Variants in ABCB9 observed in about 807,000 individuals in gnomAD.
ABCB9 encodes ABC-type oligopeptide transporter ABCB9.
ABCB9 carries 36 observed loss-of-function variants against 62.0 expected under a neutral mutation model. The observed-to-expected ratio is 0.58, with a 90% CI of 0.45 to 0.77. ABCB9 has a LOEUF of 0.77. ABCB9 is among the 30% of genes least tolerant of loss of function. The pLI, the probability that ABCB9 is intolerant of heterozygous loss-of-function variation, is 0.00. For synonymous variants in ABCB9, 435 were observed against 461.4 expected (o/e 0.94, Z 0.73); for missense variants, 943 against 1,054.7 (o/e 0.89, Z 1.47).
At chr12:122,972,283 G>C (rs1478980734) in intron 1 of ABCB9, among the ~76,000 whole-genome samples, 2 of 152,172 alleles carry the variant, frequency 1.3e-5, no homozygotes, top group African/African-American at 4.8e-5. Context: ...AAAGTGCTAG[G>C]ATTACAGGCG....
At chr12:122,972,383 G>A (rs922621186) in intron 1 of ABCB9, among the ~76,000 whole-genome samples, 1 of 152,178 alleles carries the variant, frequency 6.6e-6, no homozygotes, top group South Asian at 2.1e-4. Flanking sequence ...AATGACTTGT[G>A]GAATGTTCAC....
upstream of ABCB9, among the ~76,000 whole-genome samples, chr12:122,970,645 A>G (rs2037259322): frequency 6.6e-6 from 1 of 152,228 alleles, no homozygotes; most frequent in South Asian, 2.1e-4. Context: ...ACTATGCATT[A>G]TATGTATTGA....
rs957095491 is a variant in ABCB9, at chr12:122,923,909, A to C, written c.2041-2866T>G. Among the ~76,000 whole-genome samples, 5 of 152,310 alleles carry C rather than the reference A, an allele frequency of 3.3e-5. No individual in the cohort carries two copies. In the South Asian group the frequency reaches 6.2e-4, roughly 19 times the overall value. On this transcript the variant is annotated intron_variant, in intron 11 of 11. Transcript: ENST00000344275. ...AACCTGCCGACACAGAGTGAGGTTG[A>C]CACAGACCAGTCCAGTCGACAGGGG...
intron 2 of ABCB9, chr12:122,952,531 T>C (rs1414373049): frequency 1.3e-5 from 2 of 152,240 alleles, no homozygotes; most frequent in African/African-American, 2.4e-5. Context: ...AGAGGGCCTG[T>C]GTCCCCACAG....
At chr12:122,941,147 A>C in intron 7 of ABCB9, 152 bp from the exon 8 acceptor site, 1 of 763,722 alleles carries the variant, frequency 1.3e-6, no homozygotes, top group Non-Finnish European at 2.0e-6. Flanking sequence ...GCATTAGATA[A>C]CGACAGTAAG....
intron 1 of ABCB9, among the ~76,000 whole-genome samples, chr12:122,972,295 A>G (rs911277730): frequency 2.6e-5 from 4 of 151,846 alleles, no homozygotes; most frequent in African/African-American, 9.7e-5. Flanking sequence ...TTACAGGCGT[A>G]AGCCATGGCG....
chr12:122,933,802 C>T (rs1291621887), intron 10 of ABCB9, among the ~76,000 whole-genome samples: 4 of 151,938 alleles, frequency 2.6e-5, no homozygotes, highest in African/African-American at 4.8e-5. Context: ...TGGTGTACAA[C>T]GTGATGCTCT....
At chr12:122,942,477 G>A (rs1011711490) in intron 7 of ABCB9, among the ~76,000 whole-genome samples, 89 of 151,882 alleles carry the variant, frequency 5.9e-4, no homozygotes, top group Non-Finnish European at 1.2e-3. Context: ...AAATTAGCTG[G>A]GCATGGTGGT....
In ABCB9 at chr12:122,940,212, A is replaced by G; in HGVS notation, c.1642T>C (p.Cys548Arg). The G allele has an allele frequency of 6.2e-7, 1 of 1,613,154 alleles. No homozygotes were observed. The highest frequency in any genetic ancestry group is 8.5e-7 in the Non-Finnish European group (1 of 1,179,476). The change falls in exon 9 of 12, where the codon TGT becomes CGT. Residue 548 changes from cysteine (C) to arginine (R), a missense_variant. Transcript: ENST00000280560. This position sits in a 1 kb window ranked among gnomAD's most constrained non-coding sequence, Gnocchi z 4.8. The part of the protein sequence containing the change: ...VGPSGSGKSS[C>R]VNILENFYPL... ...TAGAAGTTCTCCAGGATGTTGACAC[A>G]GGAGCTCTTCCCACTGCCCGAGGGC...
rs372474579 is a variant in ABCB9, at chr12:122,929,416, T to G, written c.*495A>C. On this transcript the variant is annotated 3_prime_UTR_variant, in exon 12 of 12. Coordinates refer to ENST00000280560, the MANE Select transcript of ABCB9 (RefSeq NM_019625.4). The surrounding 1 kb of genome is among the most constrained non-coding windows in gnomAD (Gnocchi z 6.0). ...GAGAGACGGAAAATCCCGTTCCCCG[T>G]GTCTCCCTCCGGGACAGGGAAGCCC... The G allele has an allele frequency of 1.8e-4, 182 of 986,590 alleles. No homozygotes were observed. In the African/African-American group the frequency reaches 3.1e-3, roughly 17 times the overall value. The allele number at this position is 986,590 out of a possible 1,614,324, so 61.1% of individuals were successfully genotyped here.
At chr12:122,967,442 G>C (rs913757305), upstream of ABCB9, among the ~76,000 whole-genome samples, 1 of 152,138 alleles carries the variant, frequency 6.6e-6, no homozygotes, top group Non-Finnish European at 1.5e-5. Context: ...GTGGACTTAC[G>C]GCCCAGAGGG....
chr12:122,967,005 T>C (rs2037200677), upstream of ABCB9, among the ~76,000 whole-genome samples: 2 of 152,236 alleles, frequency 1.3e-5, no homozygotes, highest in African/African-American at 4.8e-5. Context: ...GAGCTGACAT[T>C]CTAGTGAGGG....
At chr12:122,934,239 C>T (rs2035341788) in intron 10 of ABCB9, among the ~76,000 whole-genome samples, 1 of 152,180 alleles carries the variant, frequency 6.6e-6, no homozygotes, top group African/African-American at 2.4e-5. Context: ...CAGAGTGAGA[C>T]TGTCTCAATT....
At position 122,940,419 on chromosome 12, in the gene ABCB9, C is replaced by T; in HGVS notation, c.1570-135G>A. 1 of 1,026,864 alleles carries T rather than the reference C, an allele frequency of 9.7e-7. No individual in the cohort carries two copies. Among genetic ancestry groups the T allele is most frequent in the South Asian group, 1.7e-5 (1 of 57,268 alleles). 63.6% of individuals were successfully genotyped at this position (1,026,864 alleles called of 1,614,324 possible). A position where few individuals can be genotyped will look rare whatever the true frequency, so the allele number is the denominator to read the frequency against. On this transcript the variant is annotated intron_variant, in intron 8 of 11. Transcript: ENST00000280560. The surrounding 1 kb of genome is among the most constrained non-coding windows in gnomAD (Gnocchi z 4.8). The stretch of plus-strand genomic sequence containing the variant: ...CTCCCTCGCTTGGGCACTGCTGGCC[C>T]CTAAACGTTCTTTCTAAGACACTAG...
chr12:122,948,499 T>C, intron 5 of ABCB9, 125 bp downstream of exon 5: 1 of 846,358 alleles, frequency 1.2e-6, no homozygotes, highest in Non-Finnish European at 1.7e-6. Context: ...AATGAATGAA[T>C]GAATGCAAAC....
chr12:122,936,267 T>C (rs1001792222), intron 9 of ABCB9, among the ~76,000 whole-genome samples: 14 of 152,158 alleles, frequency 9.2e-5, no homozygotes, highest in Non-Finnish European at 1.2e-4. Flanking sequence ...CCTTCATATA[T>C]TGATATATTT....
chr12:122,939,141 C>T (rs1190368999), intron 9 of ABCB9, among the ~76,000 whole-genome samples: 2 of 152,184 alleles, frequency 1.3e-5, no homozygotes. Flanking sequence ...CACTGCACTC[C>T]AGCTTGGGCA....
At chr12:122,958,577 G>A (rs1343964886) in intron 2 of ABCB9, among the ~76,000 whole-genome samples, 2 of 152,186 alleles carry the variant, frequency 1.3e-5, no homozygotes, top group South Asian at 2.1e-4. Context: ...TGTGGCTTGC[G>A]CCTGTAATCC....
Position 122,972,071 on chromosome 12 carries a change from G to C in ABCB9, c.-88+2644C>G, listed in dbSNP as rs1234683244. Among the ~76,000 whole-genome samples, 24 of 117,728 alleles carry C rather than the reference G, an allele frequency of 2.0e-4. No individual in the cohort carries two copies. The Admixed American group carries it at 2.8e-3, about 14-fold the overall frequency. The allele number at this position is 117,728 out of a possible 152,430, so 77.2% of individuals were successfully genotyped here. The stretch of plus-strand genomic sequence containing the variant: ...TTTTTTTTTTTTTTGTTGAGACAGA[G>C]TCTCACTCTGTCACGCAGGCTGGAG... On this transcript the variant is annotated intron_variant, in intron 1 of 11. Transcript: ENST00000392439.
Sources: gnomAD v4.1 joint callset for allele counts (sites outside exome capture counted in the v4.1 genomes callset) on GRCh38, gnomAD v4.1.1 for gene constraint, Gnocchi (gnomAD v3.1) non-coding constraint, MANE v1.5 for transcripts, NCBI Gene and HGNC (gene_info 2026-07-23, HGNC 2026-07-21) for gene names.